NEK11: variants seen among roughly 807,000 people sequenced by gnomAD.
The protein encoded by NEK11 is serine/threonine-protein kinase Nek11.
A neutral mutation model predicts 80.7 loss-of-function variants in NEK11; 72 were observed. The ratio of observed to expected loss-of-function variants is 0.89; its 90% CI spans 0.74 to 1.08. The LOEUF (loss-of-function observed/expected upper bound fraction) is 1.08. NEK11 is among the 50% of genes least tolerant of loss of function. The pLI is 0.00. For missense variants in NEK11, 764 were observed against 763.6 expected (o/e 1.00, Z -0.01); for synonymous variants, 251 against 260.7 (o/e 0.96, Z 0.36).
intron 16 of NEK11, among the ~76,000 whole-genome samples, chr3:131,263,929 A>T (rs1051058112): frequency 2.0e-5 from 3 of 152,064 alleles, no homozygotes; most frequent in African/African-American, 4.8e-5. Flanking sequence ...ATGGTATCTC[A>T]TTGTGGTTTT....
Position 131,339,157 on chromosome 3 carries a change from A to C in NEK11, c.1719-10400A>C, listed in dbSNP as rs562308452. Among the ~76,000 whole-genome samples, 8 of 152,340 alleles carry C rather than the reference A, an allele frequency of 5.3e-5. No individual in the cohort carries two copies. The South Asian group carries it at 1.7e-3, about 32-fold the overall frequency. On this transcript the variant is annotated intron_variant, in intron 17 of 17. Coordinates refer to ENST00000383366, the MANE Select transcript of NEK11 (RefSeq NM_024800.5). Reference sequence around the variant, plus strand: ...CTCATGATTGAAAGCCCTTAAAAAGAATTTGCTTACTCAGATATTATTTTT... The same window carrying C: ...CTCATGATTGAAAGCCCTTAAAAAGCATTTGCTTACTCAGATATTATTTTT...
intron 3 of NEK11, among the ~76,000 whole-genome samples, chr3:131,039,672 G>A (rs1477114164): frequency 6.6e-6 from 1 of 152,102 alleles, no homozygotes; most frequent in Non-Finnish European, 1.5e-5. Flanking sequence ...TTTTAGTTGT[G>A]ATATCATCCA....
chr3:131,216,460 C>A (rs2094838329), intron 14 of NEK11, among the ~76,000 whole-genome samples: 2 of 152,206 alleles, frequency 1.3e-5, no homozygotes, highest in African/African-American at 4.8e-5. Context: ...CTTGCAGCAG[C>A]CTGTGTAAGA....
chr3:131,286,693 G>A (rs2096474831), intron 17 of NEK11, among the ~76,000 whole-genome samples: 1 of 152,144 alleles, frequency 6.6e-6, no homozygotes. Flanking sequence ...ATTAGAAAAA[G>A]GAAGCATGCA....
chr3:131,198,677 G>A (rs996090739), intron 14 of NEK11, among the ~76,000 whole-genome samples: 3 of 152,110 alleles, frequency 2.0e-5, no homozygotes, highest in Non-Finnish European at 4.4e-5. Context: ...CTCATCCCTC[G>A]GACCTGTGTA....
chr3:131,168,989 C>G (rs772186789), intron 13 of NEK11, 52 bp downstream of exon 13: 3 of 1,390,604 alleles, frequency 2.2e-6, no homozygotes, highest in Non-Finnish European at 3.0e-6. Context: ...TTAATGATAT[C>G]CAGAGAACAA....
chr3:131,195,974 C>T (rs767554786), intron 14 of NEK11, among the ~76,000 whole-genome samples: 5 of 150,660 alleles, frequency 3.3e-5, no homozygotes, highest in South Asian at 2.1e-4. Context: ...TGAATGGGAG[C>T]GTATTTTATG....
chr3:131,249,625 C>A (rs1414016464), intron 16 of NEK11, among the ~76,000 whole-genome samples: 1 of 152,078 alleles, frequency 6.6e-6, no homozygotes, highest in African/African-American at 2.4e-5. Flanking sequence ...CCCCCAGATA[C>A]CATTCCTACT....
At chr3:131,276,177 A>AC (rs2096287041) in intron 17 of NEK11, among the ~76,000 whole-genome samples, 1 of 152,194 alleles carries the variant, frequency 6.6e-6, no homozygotes, top group Non-Finnish European at 1.5e-5. Context: ...ATTTTCTAAG[A>AC]TTCAGTTTCT....
rs1032063305 is a variant in NEK11 at position 131,317,889 on chromosome 3, C to G, written c.1719-31668C>G. ...CCCTACTGCAGACCTCATTTTTAAA[C>G]AAGTTCCCCAGATGAGAAAATCATA... On this transcript the variant is annotated intron_variant, in intron 17 of 17. Transcript: ENST00000383366. 4.5e-4 allele frequency among the ~76,000 whole-genome samples: 54 copies of G among 118,718 alleles called. 1 individual carries two copies. Among genetic ancestry groups the G allele is most frequent in the African/African-American group, 1.8e-3 (54 of 30,786 alleles). 77.9% of individuals were successfully genotyped at this position (118,718 alleles called of 152,430 possible).
chr3:131,150,110 G>A (rs72628540), intron 7 of NEK11, among the ~76,000 whole-genome samples: 13,707 of 151,824 alleles, frequency 0.09, 1,137 homozygotes, highest in East Asian at 0.43. Context: ...TCAAGCAGTT[G>A]GCAATTTTAT....
At chr3:131,349,515 T>C in intron 17 of NEK11, 42 bp from the exon 18 acceptor site, 1 of 1,502,770 alleles carries the variant, frequency 6.7e-7, no homozygotes, top group Non-Finnish European at 9.2e-7. Flanking sequence ...CAGGTGATCT[T>C]AATGTGTAAC....
rs953597916 is a variant in NEK11, at chr3:131,113,039, G to A, written c.455+3118G>A. On this transcript the variant is annotated intron_variant, in intron 5 of 17. Coordinates refer to ENST00000383366, the MANE Select transcript of NEK11 (RefSeq NM_024800.5). ...GTCAAGAACCTTTTATAATATCCAT[G>A]CATGAGATTGTGAGACCTAAACCAA... is the stretch of plus-strand genomic sequence containing the variant. 4.6e-5 allele frequency among the ~76,000 whole-genome samples: 7 copies of A among 152,250 alleles called. No homozygotes were observed. In the East Asian group the frequency reaches 1.4e-3, roughly 29 times the overall value.
chr3:131,233,795 A>G (rs1387341944), intron 15 of NEK11, among the ~76,000 whole-genome samples: 7 of 152,178 alleles, frequency 4.6e-5, no homozygotes, highest in Admixed American at 4.6e-4. Context: ...CAGCTATTTC[A>G]TTTGCTCAAA....
At chr3:131,190,927 T>A (rs1382253237) in intron 14 of NEK11, among the ~76,000 whole-genome samples, 1 of 152,154 alleles carries the variant, frequency 6.6e-6, no homozygotes, top group African/African-American at 2.4e-5. Flanking sequence ...AGCCTTAGTG[T>A]ACAGACTTCT....
chr3:131,125,191 G>A (rs899482109), intron 5 of NEK11, among the ~76,000 whole-genome samples: 4 of 152,074 alleles, frequency 2.6e-5, no homozygotes, highest in Non-Finnish European at 4.4e-5. Context: ...TTATAGGCCC[G>A]GTTGAGTTTC....
At chr3:131,299,834 C>G (rs1017755637) in intron 17 of NEK11, among the ~76,000 whole-genome samples, 1 of 152,148 alleles carries the variant, frequency 6.6e-6, no homozygotes, top group African/African-American at 2.4e-5. Context: ...CTGCAATGAA[C>G]ACATGTGTTG....
chr3:131,072,719 C>T (rs1023856946), intron 3 of NEK11, among the ~76,000 whole-genome samples: 2 of 152,094 alleles, frequency 1.3e-5, no homozygotes, highest in African/African-American at 2.4e-5. Context: ...AGAAAGCTGT[C>T]TCCTCCATGA....
rs965964521 is a variant in NEK11, at chr3:131,234,581, CTG to C, written c.1560+5899_1560+5900del. Among the ~76,000 whole-genome samples, 8 of 152,130 alleles carry C rather than the reference CTG, an allele frequency of 5.3e-5. No individual in the cohort carries two copies. In the East Asian group the frequency reaches 1.2e-3, roughly 22 times the overall value. ...TTCTAGGTGATGGGCCTTCTGTAGA[CTG>C]TGTGTTGCTCAAAGGAGAGACTTTG... On this transcript the variant is annotated intron_variant, in intron 15 of 17. Transcript: ENST00000383366.
Sources: gnomAD v4.1 joint callset for allele counts (sites outside exome capture counted in the v4.1 genomes callset) on GRCh38, gnomAD v4.1.1 for gene constraint, MANE v1.5 for transcripts, NCBI Gene and HGNC (gene_info 2026-07-23, HGNC 2026-07-21) for gene names.